The following KMT2C variants were observed in gnomAD, a reference collection of about 807,000 sequenced individuals.
KMT2C encodes histone-lysine N-methyltransferase 2C.
KMT2C carries 88 observed loss-of-function variants against 507.9 expected under a neutral mutation model. That is an observed-to-expected ratio of 0.17 (90% CI 0.15 to 0.21). The LOEUF is 0.21. Ranked by LOEUF, KMT2C falls within the 10% of genes least tolerant of loss-of-function variation. The pLI is 1.00. For synonymous variants in KMT2C, 2,049 were observed against 2,080.8 expected, an observed-to-expected ratio of 0.98 and a Z score of 0.42; for missense variants, 4,954 against 5,957.8, an observed-to-expected ratio of 0.83 and a Z score of 5.55.
chr7:152,333,147 G>A (rs2096899939), intron 2 of KMT2C, among the ~76,000 whole-genome samples: 1 of 152,018 alleles, frequency 6.6e-6, no homozygotes. Context: ...CTGGGGTTGG[G>A]TGGTTGTTTT....
intron 1 of KMT2C, among the ~76,000 whole-genome samples, chr7:152,409,254 GC>G (rs2097655758): frequency 6.6e-6 from 1 of 151,870 alleles, no homozygotes; most frequent in African/African-American, 2.4e-5. Flanking sequence ...TGATCCACCT[GC>G]CTCAGCCTCC....
At chr7:152,367,660 G>T (rs554779892) in intron 1 of KMT2C, 1 of 1,430,954 alleles carries the variant, frequency 7.0e-7, no homozygotes. Flanking sequence ...AAAGAAGGTG[G>T]TGTTCAGTTG....
At chr7:152,157,991 A>C in intron 44 of KMT2C, 5 of 1,137,464 alleles carry the variant, frequency 4.4e-6, no homozygotes, top group Non-Finnish European at 5.7e-6. Flanking sequence ...TCAACTTTCT[A>C]AGACCCGAAG....
intron 16 of KMT2C, among the ~76,000 whole-genome samples, chr7:152,234,919 C>T (rs1420340575): frequency 2.6e-5 from 4 of 152,136 alleles, no homozygotes; most frequent in African/African-American, 9.6e-5. Context: ...CACAGGTCTA[C>T]AACCATGGTG....
chr7:152,195,691 G>T, intron 28 of KMT2C: 1 of 308,630 alleles, frequency 3.2e-6, no homozygotes, highest in Non-Finnish European at 4.7e-6. Flanking sequence ...TAAATGTGAT[G>T]CAATTAGAAA....
intron 23 of KMT2C, among the ~76,000 whole-genome samples, chr7:152,213,421 T>G (rs541994985): frequency 1.3e-5 from 2 of 152,232 alleles, no homozygotes; most frequent in Admixed American, 1.3e-4. Flanking sequence ...AAGCATATAT[T>G]ATGAGCTAAT....
chr7:152,264,790 GTTTT>G (rs2095836002), intron 8 of KMT2C, among the ~76,000 whole-genome samples: 1 of 151,390 alleles, frequency 6.6e-6, no homozygotes, highest in Admixed American at 6.6e-5. Context: ...ATTAAAATCA[GTTTT>G]GTTTAGACTT....
chr7:152,315,377 T>A (rs1030896534), intron 3 of KMT2C, 39 bp from the exon 4 acceptor site: 3 of 1,489,430 alleles, frequency 2.0e-6, no homozygotes, highest in Non-Finnish European at 2.8e-6. Context: ...AGGAGAAAAG[T>A]AGCTTTATTC....
intron 3 of KMT2C, among the ~76,000 whole-genome samples, chr7:152,323,850 G>T (rs937985415): frequency 2.7e-5 from 4 of 150,696 alleles, no homozygotes; most frequent in African/African-American, 7.3e-5. Context: ...GAGAGAGAGA[G>T]AGAGAAGCGG....
rs375931159 is a variant in KMT2C, at chr7:152,264,986, T to C, written c.1184+52A>G. Reference sequence around the variant, plus strand: ...TACACAAACCTTTAGCACCTAGTAATAGGGTCCCTCTTAAACCCAATACAC... The same window carrying C: ...TACACAAACCTTTAGCACCTAGTAACAGGGTCCCTCTTAAACCCAATACAC... On this transcript the variant is annotated intron_variant, in intron 8 of 58. Coordinates refer to ENST00000262189, the MANE Select transcript of KMT2C (RefSeq NM_170606.3). The C allele has an allele frequency of 7.5e-6, 12 of 1,605,348 alleles. No individual in the cohort carries two copies. In the African/African-American group the frequency reaches 1.2e-4, roughly 16 times the overall value.
intron 3 of KMT2C, among the ~76,000 whole-genome samples, chr7:152,315,588 T>G (rs1156446634): frequency 6.6e-6 from 1 of 152,190 alleles, no homozygotes; most frequent in East Asian, 1.9e-4. Context: ...AAAATTCTAG[T>G]TAGCAGTTAG....
Position 152,181,438 on chromosome 7 carries a change from A to G in KMT2C, c.6422T>C (p.Val2141Ala). 1 of 1,613,938 alleles carries G rather than the reference A, an allele frequency of 6.2e-7. No homozygotes were observed. Among genetic ancestry groups the G allele is most frequent in the Non-Finnish European group, 8.5e-7 (1 of 1,179,896 alleles). The change falls in exon 36 of 59, where the codon GTT becomes GCT. Residue 2141 changes from valine (V) to alanine (A), a missense_variant. Transcript: ENST00000262189. ...TGAAGATTGGGAATAAGAATCTACA[A>G]CAGGTCGTGGAGTTCCTGGGGGTTG... ...YSQPPGTPRP[V>A]VDSYSQSSGT... is the part of the protein sequence containing the mutation.
intron 16 of KMT2C, among the ~76,000 whole-genome samples, chr7:152,234,427 C>T (rs920513570): frequency 2.2e-4 from 33 of 151,790 alleles, no homozygotes; most frequent in African/African-American, 6.8e-4. Flanking sequence ...AAAAACCCCC[C>T]ACAAAGAAAA....
chr7:152,282,515 G>A (rs2096236598), intron 6 of KMT2C, among the ~76,000 whole-genome samples: 2 of 152,118 alleles, frequency 1.3e-5, no homozygotes, highest in South Asian at 4.1e-4. Context: ...AAAAATAAAC[G>A]ACTGGAAGGA....
At chr7:152,169,056 T>C (rs993636311) in intron 41 of KMT2C, 130 bp downstream of exon 41, 2 of 579,738 alleles carry the variant, frequency 3.4e-6, no homozygotes, top group African/African-American at 3.8e-5. Flanking sequence ...AGGGCAGTGA[T>C]GTTTAATAAG....
chr7:152,268,828 CCT>C (rs1018106978), intron 7 of KMT2C, among the ~76,000 whole-genome samples: 9 of 152,120 alleles, frequency 5.9e-5, no homozygotes, highest in East Asian at 1.9e-4. Context: ...AGTTTGCTCC[CCT>C]GACACTTCAA....
chr7:152,324,549 G>A (rs2129208124), intron 3 of KMT2C, among the ~76,000 whole-genome samples: 1 of 151,962 alleles, frequency 6.6e-6, no homozygotes, highest in East Asian at 1.9e-4. Flanking sequence ...ATTGGTACAA[G>A]ATGAAACAGA....
chr7:152,187,158 A>G (rs1399124503), intron 33 of KMT2C, 104 bp downstream of exon 33: 2 of 851,014 alleles, frequency 2.4e-6, no homozygotes, highest in Non-Finnish European at 3.8e-6. Context: ...GGGTCATCAT[A>G]GACAAAAATT....
chr7:152,330,806 T>C (rs1250578374), intron 2 of KMT2C, 67 bp from the exon 3 acceptor site: 11 of 1,416,676 alleles, frequency 7.8e-6, no homozygotes, highest in African/African-American at 1.4e-5. Flanking sequence ...CTGGTGAATG[T>C]ATCTATAAAG....
Sources: gnomAD v4.1 joint callset for allele counts (sites outside exome capture counted in the v4.1 genomes callset) on GRCh38, gnomAD v4.1.1 for gene constraint, MANE v1.5 for transcripts, NCBI Gene and HGNC (gene_info 2026-07-23, HGNC 2026-07-21) for gene names.